The following NRK variants were observed in gnomAD, a reference collection of about 807,000 sequenced individuals.
NRK encodes the protein Nik related kinase.
In NRK, 67 loss-of-function variants were observed where a neutral mutation model predicts 125.2. That is an observed-to-expected ratio of 0.54 (90% CI 0.44 to 0.66). NRK has a LOEUF of 0.66. Among genes scored for constraint, NRK ranks in the 30% least tolerant of loss-of-function variants. NRK has a pLI of 0.00. For synonymous variants in NRK, 458 were observed against 429.0 expected (o/e 1.07, Z -0.84); for missense variants, 1,224 against 1,192.9 (o/e 1.03, Z -0.38).
Position 105,923,138 on chromosome X carries a change from A to G in NRK, c.2631A>G (p.Val877=). The G allele has an allele frequency of 5.8e-6, 7 of 1,202,086 alleles. No individual in the cohort carries two copies. The highest frequency in any genetic ancestry group is 7.9e-6 in the Non-Finnish European group (7 of 887,906). ...VDIHVPDGFK[V]GKISPPVYLT... is the part of the protein sequence containing the mutation. ...CACAGGTTCCAGATGGATTTAAAGT[A>G]GGAAAAATATCACCCCCTGTATACT... is the stretch of plus-strand genomic sequence containing the variant. Residue 877 remains valine (V), a synonymous_variant, in exon 18 of 29, where the codon GTA becomes GTG. Transcript: ENST00000243300.
intron 2 of NRK, among the ~76,000 whole-genome samples, chrX:105,845,952 G>A (rs1238467165): frequency 9.0e-6 from 1 of 111,161 alleles, no homozygotes; most frequent in Non-Finnish European, 1.9e-5. Flanking sequence ...TCCTTGACAT[G>A]CCAAGGAGAG....
At chrX:105,908,217 G>GT (rs2040243952) in intron 11 of NRK, 23 bp from the exon 12 acceptor site, 2 of 958,815 alleles carry the variant, frequency 2.1e-6, no homozygotes, top group Admixed American at 2.8e-5. Flanking sequence ...TATGCATTAT[G>GT]TTTTTCTCTT....
intron 4 of NRK, among the ~76,000 whole-genome samples, chrX:105,886,935 A>G (rs2039954824): frequency 9.0e-6 from 1 of 111,154 alleles, no homozygotes; most frequent in Non-Finnish European, 1.9e-5. Flanking sequence ...ATAAAAGTTA[A>G]CTCAAAATGG....
At chrX:105,918,878 A>G (rs1339443226) in intron 16 of NRK, among the ~76,000 whole-genome samples, 1 of 108,668 alleles carries the variant, frequency 9.2e-6, no homozygotes. Context: ...ATGAAATTAT[A>G]TGCTTCATTA....
At chrX:105,899,537 A>G (rs190467413) in intron 8 of NRK, among the ~76,000 whole-genome samples, 17 of 112,126 alleles carry the variant, frequency 1.5e-4, no homozygotes, top group Non-Finnish European at 2.4e-4. Context: ...CTATGGAAGC[A>G]TGTTCTTCAA....
chrX:105,938,479 A>G (rs2040694142), intron 22 of NRK, among the ~76,000 whole-genome samples: 2 of 111,699 alleles, frequency 1.8e-5, no homozygotes, highest in South Asian at 7.4e-4. Context: ...ATCATGTTTT[A>G]TAGTTAGTTG....
intron 14 of NRK, among the ~76,000 whole-genome samples, chrX:105,914,480 T>A (rs929107674): frequency 7.2e-5 from 8 of 111,188 alleles, no homozygotes; most frequent in African/African-American, 2.6e-4. Flanking sequence ...TTCTTACTAA[T>A]CATTTTCTTC....
intron 16 of NRK, 34 bp from the exon 17 acceptor site, chrX:105,921,930 C>G (rs755542655): frequency 1.4e-6 from 1 of 696,645 alleles, no homozygotes; most frequent in Non-Finnish European, 2.3e-6. Context: ...GCTGTAATCA[C>G]CATTGTTACT....
chrX:105,826,401 A>AATAT (rs60024098), intron 1 of NRK, among the ~76,000 whole-genome samples: 1,134 of 77,835 alleles, frequency 0.015, 28 homozygotes, highest in African/African-American at 0.052. Context: ...ATATATATAT[A>AATAT]ATATATATAT....
chrX:105,861,472 T>C (rs1007042294), intron 2 of NRK, among the ~76,000 whole-genome samples: 1 of 112,279 alleles, frequency 8.9e-6, no homozygotes, highest in Non-Finnish European at 1.9e-5. Context: ...AAAGATTTAC[T>C]GCTATGTTTT....
chrX:105,943,747 ATG>A (rs759791087), intron 23 of NRK, among the ~76,000 whole-genome samples, 192 bp from the exon 24 acceptor site: 3 of 112,300 alleles, frequency 2.7e-5, no homozygotes, highest in African/African-American at 9.7e-5. Flanking sequence ...GAAGGCGAAT[ATG>A]TATACTCCAT....
chrX:105,893,860 C>T lies in NRK; in HGVS notation c.407C>T (p.Ser136Leu), dbSNP rs1569303551. Residue 136 changes from serine (S) to leucine (L), a missense_variant, in exon 6 of 29, where the codon TCG becomes TTG. Ser to Leu is a moderately radical substitution (Grantham distance 145, BLOSUM62 -2). Coordinates refer to ENST00000243300, the MANE Select transcript of NRK (RefSeq NM_198465.4). Reference protein sequence around the residue: ...WMVMELCAAGSVTDVVRMTSN... With the variant: ...WMVMELCAAGLVTDVVRMTSN... Reference sequence around the variant, plus strand: ...GTGATGGAGTTATGTGCAGCAGGTTCGGTCACTGATGTAGTGAGAATGACC... The same window carrying T: ...GTGATGGAGTTATGTGCAGCAGGTTTGGTCACTGATGTAGTGAGAATGACC... The T allele has an allele frequency of 5.0e-6, 6 of 1,196,580 alleles. No individual in the cohort carries two copies. The highest frequency in any genetic ancestry group is 1.8e-5 in the South Asian group (1 of 56,328).
At chrX:105,935,653 G>T (rs1195491726) in intron 21 of NRK, among the ~76,000 whole-genome samples, 2 of 108,878 alleles carry the variant, frequency 1.8e-5, no homozygotes, top group Non-Finnish European at 3.8e-5. Flanking sequence ...AGCTGGGTGT[G>T]GTGGCAGGTG....
At chrX:105,923,511 C>T (rs764515831) in intron 18 of NRK, 29 bp downstream of exon 18, 3 of 1,039,120 alleles carry the variant, frequency 2.9e-6, no homozygotes, top group South Asian at 2.7e-5. Flanking sequence ...CTTATACTCT[C>T]CATGTTTTAT....
At chrX:105,921,630 T>C (rs1332113813) in intron 16 of NRK, among the ~76,000 whole-genome samples, 6 of 109,632 alleles carry the variant, frequency 5.5e-5, no homozygotes, top group Admixed American at 9.8e-5. Flanking sequence ...TCTTGATACA[T>C]TTTTTTAAAT....
chrX:105,934,260 G>A lies in NRK; in HGVS notation c.3315G>A (p.Glu1105=), dbSNP rs1437498330. The change falls in exon 20 of 29, where the codon GAG becomes GAA. Residue 1105 remains glutamate (E), a splice_region_variant and synonymous_variant. Transcript: ENST00000243300. ...ATTGGTTTTTGGACTTCTTTTAGGA[G>A]CCAGGTGGTGGAAATGAGGCCTCAA... ...ASQDFEYLQE[E]PGGGNEASNA... 3 of 1,157,717 alleles carry A rather than the reference G, an allele frequency of 2.6e-6. No individual in the cohort carries two copies. Among genetic ancestry groups the A allele is most frequent in the South Asian group, 4.2e-5 (2 of 47,863 alleles).
At chrX:105,953,859 T>C (rs1386448552) in intron 28 of NRK, among the ~76,000 whole-genome samples, 2 of 111,362 alleles carry the variant, frequency 1.8e-5, no homozygotes, top group East Asian at 5.7e-4. Context: ...TTAGGAAACA[T>C]TCATGTTGAG....
rs753438812 is a variant in NRK, at chrX:105,915,843, A to G, written c.2417+46A>G. ...TATTAAAATTATTCATAATTATCAAATGGAAAATTAAAAATTATTTCATTG... is the reference window on the plus strand; with the variant it reads ...TATTAAAATTATTCATAATTATCAAGTGGAAAATTAAAAATTATTTCATTG... On this transcript the variant is annotated intron_variant, in intron 15 of 28. Transcript: ENST00000243300. 2.0e-4 allele frequency: 138 copies of G among 701,454 alleles called. 1 individual carries two copies. The East Asian group carries it at 4.7e-3, about 24-fold the overall frequency. 57.8% of individuals were successfully genotyped at this position (701,454 alleles called of 1,213,427 possible). A position where few individuals can be genotyped will look rare whatever the true frequency, so the allele number is the denominator to read the frequency against.
intron 23 of NRK, 135 bp from the exon 24 acceptor site, chrX:105,943,806 A>G: frequency 2.4e-6 from 1 of 413,474 alleles, no homozygotes; most frequent in East Asian, 4.1e-5. Flanking sequence ...ATCAAATTGT[A>G]ACCAAGTAGC....
Sources: gnomAD v4.1 joint callset for allele counts (sites outside exome capture counted in the v4.1 genomes callset) on GRCh38, gnomAD v4.1.1 for gene constraint, MANE v1.5 for transcripts, NCBI Gene and HGNC (gene_info 2026-07-23, HGNC 2026-07-21) for gene names.